Variants in TLL1 observed in about 807,000 individuals in gnomAD.
TLL1 encodes the protein tolloid like 1.
A neutral mutation model predicts 128.2 loss-of-function variants in TLL1; 49 were observed. That is an observed-to-expected ratio of 0.38 (90% CI 0.30 to 0.48). TLL1 has a LOEUF of 0.48. Among genes scored for constraint, TLL1 ranks in the 20% least tolerant of loss-of-function variants. The probability of loss-of-function intolerance (pLI) is 0.96; values close to 1 mark genes in which losing one functional copy is unlikely to be tolerated. For synonymous variants in TLL1, 454 were observed against 418.8 expected (o/e 1.08, Z -1.03); for missense variants, 1,123 against 1,242.0 (o/e 0.90, Z 1.44).
chr4:165,928,041 G>A (rs933160620), intron 1 of TLL1, among the ~76,000 whole-genome samples: 2 of 152,074 alleles, frequency 1.3e-5, no homozygotes, highest in Non-Finnish European at 2.9e-5. Context: ...GATTTCTCAG[G>A]GTGTGGTTTT....
chr4:165,950,800 T>C (rs2110939554), intron 1 of TLL1, among the ~76,000 whole-genome samples: 1 of 152,148 alleles, frequency 6.6e-6, no homozygotes, highest in East Asian at 1.9e-4. Flanking sequence ...ATTAAATGCT[T>C]ATATTTAAAA....
chr4:166,094,284 T>A (rs1011372129), intron 19 of TLL1, among the ~76,000 whole-genome samples: 2 of 152,188 alleles, frequency 1.3e-5, no homozygotes, highest in African/African-American at 2.4e-5. Flanking sequence ...TTATTCTAAT[T>A]CTGATTGTCT....
At chr4:165,894,115 G>C (rs1731548256) in intron 1 of TLL1, among the ~76,000 whole-genome samples, 1 of 152,074 alleles carries the variant, frequency 6.6e-6, no homozygotes, top group Non-Finnish European at 1.5e-5. Context: ...GATTGGAGCA[G>C]GGGAGGACAA....
At chr4:165,884,320 A>G (rs530162839) in intron 1 of TLL1, among the ~76,000 whole-genome samples, 2 of 152,224 alleles carry the variant, frequency 1.3e-5, no homozygotes, top group African/African-American at 4.8e-5. Context: ...ATGTGTTCTT[A>G]TACATTTTTG....
intron 16 of TLL1, among the ~76,000 whole-genome samples, chr4:166,071,921 C>T (rs555227665): frequency 4.2e-4 from 64 of 151,992 alleles, no homozygotes; most frequent in Non-Finnish European, 7.1e-4. Flanking sequence ...TTTACTACTC[C>T]GCAGACAAAT....
intron 6 of TLL1, among the ~76,000 whole-genome samples, chr4:166,005,301 C>T (rs1172980608): frequency 6.6e-6 from 1 of 151,838 alleles, no homozygotes; most frequent in Non-Finnish European, 1.5e-5. Flanking sequence ...TGAGTCTGGA[C>T]TTCAGGATGT....
At chr4:165,924,250 A>G (rs1290776152) in intron 1 of TLL1, among the ~76,000 whole-genome samples, 1 of 152,204 alleles carries the variant, frequency 6.6e-6, no homozygotes, top group East Asian at 1.9e-4. Flanking sequence ...CAAAGCCGAG[A>G]TAGGCCAAGA....
chr4:165,878,920 CTTTTTTTT>C lies in TLL1; in HGVS notation c.169+4869_169+4876del, dbSNP rs140447889. Among the ~76,000 whole-genome samples the C allele has an allele frequency of 2.7e-3, 165 of 60,510 alleles. 1 individual carries two copies. Among genetic ancestry groups the C allele is most frequent in the Middle Eastern group, 0.015 (1 of 68 alleles). The allele number at this position is 60,510 out of a possible 152,430, so 39.7% of individuals were successfully genotyped here. On this transcript the variant is annotated intron_variant, in intron 1 of 20. Coordinates refer to ENST00000061240, the MANE Select transcript of TLL1 (RefSeq NM_012464.5). Reference sequence around the variant, plus strand: ...TCCCTCTTACCCTGATGATGGCTTCCTTTTTTTTTTTTTTTTTTTTTTTTTTTTTCTGA... The same window carrying C: ...TCCCTCTTACCCTGATGATGGCTTCCTTTTTTTTTTTTTTTTTTTTTCTGA...
chr4:165,889,133 G>A (rs548828990), intron 1 of TLL1, among the ~76,000 whole-genome samples: 4 of 152,156 alleles, frequency 2.6e-5, no homozygotes, highest in Non-Finnish European at 5.9e-5. Flanking sequence ...CTGTCATTGT[G>A]ACAGAAACAG....
chr4:166,014,032 A>G (rs555465047), intron 7 of TLL1, among the ~76,000 whole-genome samples: 1 of 151,834 alleles, frequency 6.6e-6, no homozygotes, highest in African/African-American at 2.4e-5. Flanking sequence ...AGTAACTTCA[A>G]CATTATTTAC....
rs1560873224 is a variant in TLL1 at position 166,101,269 on chromosome 4, C to CATTTTA, written c.*393_*394insATTTTA. ...ATAAAATGATCTTGCAGGTCGTAAA[C>CATTTTA]TGGAAAACAGTATTTTGGTTGTCTT... is the stretch of plus-strand genomic sequence containing the variant. On this transcript the variant is annotated 3_prime_UTR_variant, in exon 21 of 21. Coordinates refer to ENST00000061240, the MANE Select transcript of TLL1 (RefSeq NM_012464.5). 3.6e-6 allele frequency: 1 copy of CATTTTA among 279,154 alleles called. No individual in the cohort carries two copies. Among genetic ancestry groups the CATTTTA allele is most frequent in the African/African-American group, 2.3e-5 (1 of 44,252 alleles). The allele number at this position is 279,154 out of a possible 1,614,324, so 17.3% of individuals were successfully genotyped here.
At chr4:166,065,592 A>C in intron 15 of TLL1, 91 bp from the exon 16 acceptor site, 1 of 1,443,502 alleles carries the variant, frequency 6.9e-7, no homozygotes, top group Non-Finnish European at 9.6e-7. Context: ...CGTAAGAGTA[A>C]AATGGGAAAA....
chr4:166,099,426 T>A lies in TLL1; in HGVS notation c.2806T>A (p.Phe936Ile). The A allele has an allele frequency of 6.2e-7, 1 of 1,613,468 alleles. No individual in the cohort carries two copies. The highest frequency in any genetic ancestry group is 8.5e-7 in the Non-Finnish European group (1 of 1,179,648). ...TCGACTTGAATTATCCTTCCAGACATTTGAAGTGGAGGAAGAAGCAGACTG... is the reference window on the plus strand; with the variant it reads ...TCGACTTGAATTATCCTTCCAGACAATTGAAGTGGAGGAAGAAGCAGACTG... ...GSRLELSFQT[F>I]EVEEEADCGY... Residue 936 changes from phenylalanine to isoleucine, a missense_variant, in exon 20 of 21, where the codon TTT becomes ATT. Transcript: ENST00000061240.
intron 2 of TLL1, 118 bp downstream of exon 2, chr4:165,989,609 C>A: frequency 1.4e-6 from 1 of 698,684 alleles, no homozygotes; most frequent in Non-Finnish European, 2.5e-6. Flanking sequence ...ACTTCCTATA[C>A]ACAAATATAC....
At chr4:165,943,318 C>G (rs1038768536) in intron 1 of TLL1, among the ~76,000 whole-genome samples, 2 of 151,958 alleles carry the variant, frequency 1.3e-5, no homozygotes, top group African/African-American at 4.8e-5. Flanking sequence ...TAGAAAAACT[C>G]TCTTCATTAT....
intron 1 of TLL1, among the ~76,000 whole-genome samples, chr4:165,915,137 A>G (rs1050696170): frequency 6.6e-6 from 1 of 152,230 alleles, no homozygotes; most frequent in African/African-American, 2.4e-5. Flanking sequence ...ATAAATAACA[A>G]GAAGTACAGA....
At chr4:166,031,029 T>C (rs1027713100) in intron 9 of TLL1, 2 of 904,584 alleles carry the variant, frequency 2.2e-6, no homozygotes, top group African/African-American at 3.6e-5. Flanking sequence ...TAACAAGCAC[T>C]AAAAATTTAA....
At chr4:166,041,989 T>C in intron 10 of TLL1, 38 bp from the exon 11 acceptor site, 1 of 1,370,648 alleles carries the variant, frequency 7.3e-7, no homozygotes, top group Non-Finnish European at 1.0e-6. Context: ...TATAGAGTCC[T>C]ATTTAGGAGT....
At position 165,873,893 on chromosome 4, in the gene TLL1, C is replaced by G. The variant is rs1730602989; in HGVS notation, c.-12C>G. 2 of 1,613,416 alleles carry G rather than the reference C, an allele frequency of 1.2e-6. No homozygotes were observed. Among genetic ancestry groups the G allele is most frequent in the African/African-American group, 2.7e-5 (2 of 74,902 alleles). The stretch of plus-strand genomic sequence containing the variant: ...TGGGTCCCGTCCCCTCCTTTTCCTC[C>G]GGGGGAGGAGGATGGGGTTGGGAAC... On this transcript the variant is annotated 5_prime_UTR_variant, in exon 1 of 21. Coordinates refer to ENST00000061240, the MANE Select transcript of TLL1 (RefSeq NM_012464.5).
Sources: gnomAD v4.1 joint callset for allele counts (sites outside exome capture counted in the v4.1 genomes callset) on GRCh38, gnomAD v4.1.1 for gene constraint, MANE v1.5 for transcripts, NCBI Gene and HGNC (gene_info 2026-07-23, HGNC 2026-07-21) for gene names.